PTPN13: variants seen among roughly 807,000 people sequenced by gnomAD.
The protein encoded by PTPN13 is protein tyrosine phosphatase non-receptor type 13, also known as tyrosine-protein phosphatase non-receptor type 13.
In PTPN13, 191 loss-of-function variants were observed where a neutral mutation model predicts 284.0. That is an observed-to-expected ratio of 0.67 (90% CI 0.60 to 0.76). PTPN13 has a LOEUF of 0.76. PTPN13 is among the 30% of genes least tolerant of loss of function. PTPN13 has a pLI of 0.00. For synonymous variants in PTPN13, 986 were observed against 1,022.3 expected (o/e 0.96, Z 0.68); for missense variants, 2,797 against 2,939.9 (o/e 0.95, Z 1.12).
At chr4:86,664,839 T>C (rs960279397) in intron 2 of PTPN13, among the ~76,000 whole-genome samples, 1 of 152,168 alleles carries the variant, frequency 6.6e-6, no homozygotes, top group African/African-American at 2.4e-5. Flanking sequence ...TACTATTTCT[T>C]TCATGCTACT....
At chr4:86,645,614 A>C (rs544103613) in intron 2 of PTPN13, among the ~76,000 whole-genome samples, 1 of 152,312 alleles carries the variant, frequency 6.6e-6, no homozygotes, top group Non-Finnish European at 1.5e-5. Context: ...CAATATGAAA[A>C]AATTAAGAAT....
chr4:86,761,276 T>C (rs1738663909), intron 23 of PTPN13, among the ~76,000 whole-genome samples: 1 of 151,436 alleles, frequency 6.6e-6, no homozygotes. Context: ...TGTACATGCA[T>C]ATCTTTTTAA....
chr4:86,694,441 A>G (rs1730373777), intron 6 of PTPN13, among the ~76,000 whole-genome samples: 1 of 151,668 alleles, frequency 6.6e-6, no homozygotes, highest in African/African-American at 2.4e-5. Flanking sequence ...TTAGCCGGGC[A>G]TGGTGGCAGG....
chr4:86,699,265 G>A (rs1214346059), intron 6 of PTPN13, among the ~76,000 whole-genome samples: 1 of 151,840 alleles, frequency 6.6e-6, no homozygotes, highest in Non-Finnish European at 1.5e-5. Flanking sequence ...GGGCGCCTGT[G>A]GTCCCAACTA....
chr4:86,618,961 G>C (rs1043906720), intron 1 of PTPN13, among the ~76,000 whole-genome samples: 13 of 152,112 alleles, frequency 8.5e-5, no homozygotes, highest in African/African-American at 1.9e-4. Context: ...ACTTCCAACA[G>C]TACGTTGAAT....
At chr4:86,705,960 C>G (rs1731721235) in intron 7 of PTPN13, among the ~76,000 whole-genome samples, 1 of 152,128 alleles carries the variant, frequency 6.6e-6, no homozygotes. Flanking sequence ...GTTTTCTCCT[C>G]CAACCTCTGA....
chr4:86,600,538 G>A (rs1764215988), intron 1 of PTPN13, among the ~76,000 whole-genome samples: 1 of 139,598 alleles, frequency 7.2e-6, no homozygotes, highest in Non-Finnish European at 1.5e-5. Flanking sequence ...AATGTTTTGT[G>A]TACGATATCA....
rs543362043 is a variant in PTPN13, at chr4:86,640,835, T to G, written c.115+5464T>G. 2.7e-3 allele frequency among the ~76,000 whole-genome samples: 407 copies of G among 152,290 alleles called. 2 individuals carry two copies. Among genetic ancestry groups the G allele is most frequent in the African/African-American group, 9.3e-3 (387 of 41,564 alleles). On this transcript the variant is annotated intron_variant, in intron 2 of 47. Coordinates refer to ENST00000411767, the MANE Select transcript of PTPN13 (RefSeq NM_080683.3). ...ATAATTAAAAGACTTACCAGATGTA[T>G]TATAAAATTAATTGTGAGGTAGCTG... is the stretch of plus-strand genomic sequence containing the variant.
rs778771565 is a variant in PTPN13 at position 86,701,817 on chromosome 4, C to T, written c.1195+16C>T. The T allele has an allele frequency of 8.3e-6, 13 of 1,557,084 alleles. No individual in the cohort carries two copies. The highest frequency in any genetic ancestry group is 9.6e-6 in the Non-Finnish European group (11 of 1,150,908). On this transcript the variant is annotated intron_variant, in intron 7 of 47. Coordinates refer to ENST00000411767, the MANE Select transcript of PTPN13 (RefSeq NM_080683.3). ...AATGTAGAAGGTTAGTAATTCTGTG[C>T]ATGTTTGAGAAAGAATTGAAGTATT...
At position 86,717,960 on chromosome 4, in the gene PTPN13, C is replaced by T. The variant is rs372951898; in HGVS notation, c.1385+843C>T. On this transcript the variant is annotated intron_variant, in intron 9 of 47. Transcript: ENST00000411767. Reference sequence around the variant, plus strand: ...TATTTAGAGTTCATTTTTATACTGACATACTTAGTGAATTTCTTATAAGGT... The same window carrying T: ...TATTTAGAGTTCATTTTTATACTGATATACTTAGTGAATTTCTTATAAGGT... Among the ~76,000 whole-genome samples the T allele has an allele frequency of 2.6e-5, 4 of 152,042 alleles. No individual in the cohort carries two copies. The East Asian group carries it at 5.8e-4, about 22-fold the overall frequency.
Position 86,701,345 on chromosome 4 carries a change from A to G in PTPN13, c.739A>G (p.Lys247Glu). The G allele has an allele frequency of 6.2e-7, 1 of 1,612,598 alleles. No individual in the cohort carries two copies. Among genetic ancestry groups the G allele is most frequent in the South Asian group, 1.1e-5 (1 of 90,926 alleles). ...LSKSMGFLSI[K>E]DTQDENYFKD... The stretch of plus-strand genomic sequence containing the variant: ...TAAATCTATGGGATTTCTGTCCATC[A>G]AAGATACACAAGATGAGAATTATTT... The change falls in exon 7 of 48, where the codon AAA (lysine) becomes GAA (glutamate). Residue 247 changes from lysine to glutamate, a missense_variant. Physicochemically the swap from Lys to Glu is moderately conservative, Grantham distance 56. Transcript: ENST00000411767.
chr4:86,716,215 G>A (rs551033243), intron 7 of PTPN13, among the ~76,000 whole-genome samples: 2 of 152,256 alleles, frequency 1.3e-5, no homozygotes, highest in South Asian at 4.1e-4. Flanking sequence ...CTTATGCGAT[G>A]TGCACTATTA....
At chr4:86,766,150 G>C (rs545965633) in intron 26 of PTPN13, among the ~76,000 whole-genome samples, 1 of 152,238 alleles carries the variant, frequency 6.6e-6, no homozygotes, top group East Asian at 1.9e-4. Context: ...TTTTAGTAAG[G>C]ACTAACTAGG....
At chr4:86,644,679 T>C (rs1724207663) in intron 2 of PTPN13, among the ~76,000 whole-genome samples, 1 of 152,176 alleles carries the variant, frequency 6.6e-6, no homozygotes, top group East Asian at 1.9e-4. Flanking sequence ...ATATGTCTTA[T>C]GAACATAGAT....
rs572357090 is a variant in PTPN13 at position 86,803,253 on chromosome 4, T to C, written c.6506-456T>C. On this transcript the variant is annotated intron_variant, in intron 42 of 47. Coordinates refer to ENST00000411767, the MANE Select transcript of PTPN13 (RefSeq NM_080683.3). ...ATTTATTGTGTATATATATAGAATA[T>C]ACACACACACATATATAAATATATA... Among the ~76,000 whole-genome samples, 177 of 150,238 alleles carry C rather than the reference T, an allele frequency of 1.2e-3. 3 individuals carry two copies. The South Asian group carries it at 0.034, about 29-fold the overall frequency.
At chr4:86,787,532 CG>C (rs1174542859) in intron 40 of PTPN13, among the ~76,000 whole-genome samples, 2 of 150,894 alleles carry the variant, frequency 1.3e-5, no homozygotes, top group East Asian at 3.9e-4. Flanking sequence ...ACGGAGGTTG[CG>C]GTGAGCCGAA....
intron 9 of PTPN13, among the ~76,000 whole-genome samples, chr4:86,720,033 A>C (rs1733483347): frequency 6.6e-6 from 1 of 152,142 alleles, no homozygotes; most frequent in African/African-American, 2.4e-5. Context: ...TGTGTTTTAG[A>C]AGTGACTTTT....
chr4:86,774,306 GTCATCT>G, intron 32 of PTPN13, 61 bp from the exon 33 acceptor site: 1 of 1,428,568 alleles, frequency 7.0e-7, no homozygotes, highest in South Asian at 1.3e-5. Flanking sequence ...GGAAATGATA[GTCATCT>G]TTCTGTTTGT....
intron 3 of PTPN13, among the ~76,000 whole-genome samples, chr4:86,672,844 C>G (rs1380966710): frequency 6.6e-6 from 1 of 152,206 alleles, no homozygotes; most frequent in Non-Finnish European, 1.5e-5. Flanking sequence ...AAAGTTGACC[C>G]TGATTAACAT....
Sources: gnomAD v4.1 joint callset for allele counts (sites outside exome capture counted in the v4.1 genomes callset) on GRCh38, gnomAD v4.1.1 for gene constraint, MANE v1.5 for transcripts, NCBI Gene and HGNC (gene_info 2026-07-23, HGNC 2026-07-21) for gene names.